CACNA2D1: variants seen among roughly 807,000 people sequenced by gnomAD.
The protein encoded by CACNA2D1 is voltage-dependent calcium channel subunit alpha-2/delta-1.
A neutral mutation model predicts 171.5 loss-of-function variants in CACNA2D1; 53 were observed. The observed-to-expected ratio is 0.31, with a 90% CI of 0.25 to 0.39. The LOEUF is 0.39. Among genes scored for constraint, CACNA2D1 ranks in the 10% least tolerant of loss-of-function variants. The pLI is 1.00. For synonymous variants in CACNA2D1, 442 were observed against 443.1 expected, an observed-to-expected ratio of 1.00 and a Z score of 0.03; for missense variants, 903 against 1,299.8, an observed-to-expected ratio of 0.69 and a Z score of 4.69.
intron 4 of CACNA2D1, among the ~76,000 whole-genome samples, chr7:82,140,751 C>G (rs753812018): frequency 6.6e-6 from 1 of 151,696 alleles, no homozygotes; most frequent in Non-Finnish European, 1.5e-5. Flanking sequence ...GTCTGGAGAT[C>G]GAGACCATCC....
intron 3 of CACNA2D1, among the ~76,000 whole-genome samples, chr7:82,331,042 G>A (rs1180220023): frequency 6.6e-6 from 1 of 152,002 alleles, no homozygotes; most frequent in African/African-American, 2.4e-5. Flanking sequence ...AAGAGCCACG[G>A]GTGATCTGCA....
intron 7 of CACNA2D1, among the ~76,000 whole-genome samples, chr7:82,079,590 G>A (rs1321652074): frequency 6.6e-6 from 1 of 151,832 alleles, no homozygotes; most frequent in Non-Finnish European, 1.5e-5. Context: ...TACTTGGGAG[G>A]CTGAGGCAGG....
At chr7:82,140,751 C>T (rs753812018) in intron 4 of CACNA2D1, among the ~76,000 whole-genome samples, 1 of 151,696 alleles carries the variant, frequency 6.6e-6, no homozygotes, top group South Asian at 2.1e-4. Context: ...GTCTGGAGAT[C>T]GAGACCATCC....
intron 6 of CACNA2D1, among the ~76,000 whole-genome samples, chr7:82,113,675 G>A (rs1407298513): frequency 6.6e-6 from 1 of 152,110 alleles, no homozygotes; most frequent in Non-Finnish European, 1.5e-5. Context: ...TTCAATTAAA[G>A]TGCATTTTCA....
chr7:82,082,308 G>T, intron 7 of CACNA2D1, among the ~76,000 whole-genome samples: 1 of 152,074 alleles, frequency 6.6e-6, no homozygotes, highest in East Asian at 2.0e-4. Context: ...GACAACTGAA[G>T]GGTGGGGAGA....
chr7:82,111,504 G>A (rs184923762), intron 6 of CACNA2D1, among the ~76,000 whole-genome samples: 147 of 140,704 alleles, frequency 1.0e-3, no homozygotes, highest in Middle Eastern at 8.1e-3. Flanking sequence ...CTGGAGTGCA[G>A]TGGCACAATC....
At chr7:82,421,637 CA>C (rs2129457295) in intron 1 of CACNA2D1, among the ~76,000 whole-genome samples, 1 of 152,246 alleles carries the variant, frequency 6.6e-6, no homozygotes, top group African/African-American at 2.4e-5. Context: ...CAGATGAATA[CA>C]AAGCCACATT....
At chr7:82,361,623 A>T (rs991201974) in intron 1 of CACNA2D1, among the ~76,000 whole-genome samples, 12 of 152,264 alleles carry the variant, frequency 7.9e-5, no homozygotes, top group African/African-American at 2.4e-4. Context: ...TAAATTTTTT[A>T]AAATATTAAA....
At position 81,982,644 on chromosome 7, in the gene CACNA2D1, A is replaced by G. The variant is rs1035269533; in HGVS notation, c.1895-17T>C. The G allele has an allele frequency of 6.0e-6, 9 of 1,510,684 alleles. No individual in the cohort carries two copies. Among genetic ancestry groups the G allele is most frequent in the Non-Finnish European group, 8.3e-6 (9 of 1,086,276 alleles). 93.6% of individuals were successfully genotyped at this position (1,510,684 alleles called of 1,614,324 possible). On this transcript the variant is annotated splice_polypyrimidine_tract_variant and intron_variant, in intron 23 of 38. Transcript: ENST00000356860. ...TTTCCGAATCTGCAAAGATAATGTT[A>G]CAGGATTAGATAGGTAATTCAGAGT...
chr7:82,069,640 A>G (rs1265667083), intron 7 of CACNA2D1, among the ~76,000 whole-genome samples: 1 of 152,134 alleles, frequency 6.6e-6, no homozygotes, highest in Non-Finnish European at 1.5e-5. Flanking sequence ...ATAGGAAAAT[A>G]TTCTTGAGAA....
At position 81,959,936 on chromosome 7, in the gene CACNA2D1, G is replaced by A. The variant is rs1466363561; in HGVS notation, c.2967-107C>T. On this transcript the variant is annotated intron_variant, in intron 36 of 38. Coordinates refer to ENST00000356860, the MANE Select transcript of CACNA2D1 (RefSeq NM_000722.4). ...AAATGAAAGACAAAATATGACATCT[G>A]AAACAGAAACCATTCCCAGCACAAT... The A allele has an allele frequency of 1.7e-5, 25 of 1,482,960 alleles. No individual in the cohort carries two copies. In the South Asian group the frequency reaches 2.6e-4, roughly 15 times the overall value. The allele number at this position is 1,482,960 out of a possible 1,614,324, so 91.9% of individuals were successfully genotyped here.
intron 25 of CACNA2D1, among the ~76,000 whole-genome samples, chr7:81,972,245 T>G (rs1372407041): frequency 1.3e-5 from 2 of 151,318 alleles, no homozygotes; most frequent in Non-Finnish European, 3.0e-5. Context: ...CACATAAAAT[T>G]TTATATATGT....
At chr7:82,362,502 G>A (rs987591916) in intron 1 of CACNA2D1, among the ~76,000 whole-genome samples, 3 of 152,130 alleles carry the variant, frequency 2.0e-5, no homozygotes, top group Admixed American at 6.5e-5. Flanking sequence ...AAAAGGACTT[G>A]AGCACATGCA....
chr7:82,114,516 G>A (rs983486059), intron 6 of CACNA2D1, among the ~76,000 whole-genome samples: 10 of 152,092 alleles, frequency 6.6e-5, no homozygotes, highest in East Asian at 1.9e-4. Context: ...AGGCCAAGGC[G>A]GGTGGATCAC....
intron 4 of CACNA2D1, among the ~76,000 whole-genome samples, chr7:82,159,373 T>C (rs1038470179): frequency 2.6e-5 from 4 of 151,836 alleles, no homozygotes; most frequent in Non-Finnish European, 4.4e-5. Flanking sequence ...TTGTAAGATA[T>C]TTGAGACTAT....
chr7:82,242,215 C>T (rs922738224), intron 3 of CACNA2D1, among the ~76,000 whole-genome samples: 4 of 151,914 alleles, frequency 2.6e-5, no homozygotes, highest in Admixed American at 1.3e-4. Flanking sequence ...GAGTAAGAAC[C>T]GTATAAGGGA....
At chr7:81,956,795 A>G (rs1584159897) in intron 38 of CACNA2D1, among the ~76,000 whole-genome samples, 1 of 152,258 alleles carries the variant, frequency 6.6e-6, no homozygotes. Context: ...TGCGTGCTCT[A>G]GTAATACATC....
rs115593524 is a variant in CACNA2D1, at chr7:82,071,415, C to T, written c.659-4891G>A. 3.4e-3 allele frequency among the ~76,000 whole-genome samples: 516 copies of T among 152,154 alleles called. 3 individuals carry two copies. The highest frequency in any genetic ancestry group is 0.012 in the African/African-American group (492 of 41,514). ...TCATTTTGCAGATGGGAGTTTTTAT[C>T]GTAGTTACCCAGCAGACATGACCAA... On this transcript the variant is annotated intron_variant, in intron 7 of 38. Coordinates refer to ENST00000356860, the MANE Select transcript of CACNA2D1 (RefSeq NM_000722.4).
In CACNA2D1 at chr7:82,399,690, A is replaced by AC. The variant is rs1204470206; in HGVS notation, c.95+43674dup. 3.3e-3 allele frequency among the ~76,000 whole-genome samples: 163 copies of AC among 50,152 alleles called. 1 individual carries two copies. Among genetic ancestry groups the AC allele is most frequent in the Middle Eastern group, 0.011 (1 of 88 alleles). 32.9% of individuals were successfully genotyped at this position (50,152 alleles called of 152,430 possible). A position where few individuals can be genotyped will look rare whatever the true frequency, so the allele number is the denominator to read the frequency against. On this transcript the variant is annotated intron_variant, in intron 1 of 38. Transcript: ENST00000356860. ...AGATTCCATCTCCCTCCCACTCCCC[A>AC]CCCCCCCAGCCCCCACCCCCACCCC...
Sources: allele counts gnomAD v4.1 joint callset (sites outside exome capture counted in the v4.1 genomes callset), GRCh38; gene constraint gnomAD v4.1.1; transcripts MANE v1.5; gene names NCBI Gene and HGNC (gene_info 2026-07-23, HGNC 2026-07-21).